PXDN: variants seen among roughly 807,000 people sequenced by gnomAD.
The protein encoded by PXDN is peroxidasin homolog.
Under a neutral mutation model 140.3 loss-of-function variants are expected in PXDN, and 77 were observed. That is an observed-to-expected ratio of 0.55 (90% CI 0.46 to 0.66). PXDN has a LOEUF of 0.66. PXDN is among the 30% of genes least tolerant of loss of function. PXDN has a pLI of 0.00. For synonymous variants in PXDN, 911 were observed against 857.4 expected, an observed-to-expected ratio of 1.06 and a Z score of -1.09; for missense variants, 1,838 against 2,039.5, an observed-to-expected ratio of 0.90 and a Z score of 1.90.
intron 1 of PXDN, among the ~76,000 whole-genome samples, chr2:1,739,388 G>A (rs532205187): frequency 2.6e-5 from 4 of 152,192 alleles, no homozygotes; most frequent in South Asian, 4.2e-4. Flanking sequence ...ATCAAGCCAC[G>A]CTTGAACCTG....
chr2:1,653,465 T>C (rs1203785461), intron 16 of PXDN, 163 bp downstream of exon 16: 52 of 1,086,764 alleles, frequency 4.8e-5, no homozygotes, highest in Non-Finnish European at 2.1e-5. Flanking sequence ...GACAGGGCTG[T>C]AGGGCTCAAG....
intron 14 of PXDN, among the ~76,000 whole-genome samples, chr2:1,658,249 A>G (rs868505243): frequency 6.6e-6 from 1 of 151,744 alleles, no homozygotes; most frequent in Non-Finnish European, 1.5e-5. Flanking sequence ...TTGTCTTCAA[A>G]TTTACACCAT....
chr2:1,711,583 ACTCCACCAGCACCCACT>A (rs149332837), intron 1 of PXDN, among the ~76,000 whole-genome samples: 31,267 of 65,958 alleles, frequency 0.47, 5,492 homozygotes, highest in African/African-American at 0.53. Context: ...ACCAGCACCC[ACTCCACCAGCACCCACT>A]CTCCACCAGC....
chr2:1,683,543 C>CTTGTCTGAGCCACATGTTTTT, intron 6 of PXDN, 113 bp downstream of exon 6: 1 of 930,040 alleles, frequency 1.1e-6, no homozygotes, highest in Non-Finnish European at 1.6e-6. Context: ...CTCATTCTTT[C>CTTGTCTGAGCCACATGTTTTT]AGAATCAGAT....
chr2:1,693,518 A>G (rs1221138188), intron 1 of PXDN, among the ~76,000 whole-genome samples: 1 of 152,244 alleles, frequency 6.6e-6, no homozygotes, highest in East Asian at 1.9e-4. Context: ...TAAACACCTT[A>G]GAGTTTACTC....
At chr2:1,690,648 C>CAAAAAAAAA (rs35970382) in intron 3 of PXDN, among the ~76,000 whole-genome samples, 13 of 68,590 alleles carry the variant, frequency 1.9e-4, no homozygotes, top group African/African-American at 2.3e-4. Flanking sequence ...TTCAAAATAC[C>CAAAAAAAAA]AAAAAAAAAA....
intron 8 of PXDN, 95 bp from the exon 9 acceptor site, chr2:1,673,907 C>G: frequency 1.4e-6 from 2 of 1,387,922 alleles, no homozygotes; most frequent in Non-Finnish European, 2.0e-6. Context: ...CTGCAGCAGG[C>G]ACAACTTGTG....
Position 1,664,045 on chromosome 2 carries a change from G to C in PXDN, c.1409-282C>G, listed in dbSNP as rs1235681464. 8 of 388,658 alleles carry C rather than the reference G, an allele frequency of 2.1e-5. No individual in the cohort carries two copies. In the East Asian group the frequency reaches 3.6e-4, roughly 18 times the overall value. 24.1% of individuals were successfully genotyped at this position (388,658 alleles called of 1,614,324 possible). ...GAGGACATGGGGACTCGGGGAGTCA[G>C]AGCGGGGTGGATGGCCAGCTGGGAG... On this transcript the variant is annotated intron_variant, in intron 11 of 22. Coordinates refer to ENST00000252804, the MANE Select transcript of PXDN (RefSeq NM_012293.3).
At position 1,660,780 on chromosome 2, in the gene PXDN, A is replaced by G; in HGVS notation, c.1837+101T>C. 7.0e-7 allele frequency: 1 copy of G among 1,430,298 alleles called. No individual in the cohort carries two copies. The highest frequency in any genetic ancestry group is 9.4e-7 in the Non-Finnish European group (1 of 1,067,388). 88.6% of individuals were successfully genotyped at this position (1,430,298 alleles called of 1,614,324 possible). A position where few individuals can be genotyped will look rare whatever the true frequency, so the allele number is the denominator to read the frequency against. On this transcript the variant is annotated intron_variant, in intron 14 of 22. Coordinates refer to ENST00000252804, the MANE Select transcript of PXDN (RefSeq NM_012293.3). This position sits in a 1 kb window ranked among gnomAD's most constrained non-coding sequence, Gnocchi z 4.6. ...TCAAGGGTGCTTTGTCTTCTGAATA[A>G]TTCTGAACAGCCTAAGTCAACTGGC...
Position 1,662,066 on chromosome 2 carries a change from G to T in PXDN, c.1680+6C>A. 6.3e-7 allele frequency: 1 copy of T among 1,580,064 alleles called. No homozygotes were observed. The highest frequency in any genetic ancestry group is 1.3e-5 in the African/African-American group (1 of 74,398). On this transcript the variant is annotated splice_donor_region_variant and intron_variant, in intron 13 of 22. Transcript: ENST00000252804. ...TGGTGGCTGGCTCGGGCACCAGACC[G>T]CCTACCTTGTTCCAGGTGATGGCTG...
chr2:1,670,174 G>C (rs1388301107), intron 9 of PXDN, among the ~76,000 whole-genome samples: 1 of 152,092 alleles, frequency 6.6e-6, no homozygotes, highest in Non-Finnish European at 1.5e-5. Flanking sequence ...TGGCCCAAAG[G>C]CTTTTGAATA....
In PXDN at chr2:1,649,815, G is replaced by T; in HGVS notation, c.2105-140C>A. On this transcript the variant is annotated intron_variant, in intron 16 of 22. Transcript: ENST00000252804. The surrounding 1 kb of genome is among the most constrained non-coding windows in gnomAD (Gnocchi z 7.1). ...ACCTGTTGTGCGCCATGCAACAAGC[G>T]CTTCCTGCTGGAAACCTGCTCACCT... 1 of 980,522 alleles carries T rather than the reference G, an allele frequency of 1.0e-6. No individual in the cohort carries two copies. Among genetic ancestry groups the T allele is most frequent in the Non-Finnish European group, 1.5e-6 (1 of 648,196 alleles). The allele number at this position is 980,522 out of a possible 1,614,324, so 60.7% of individuals were successfully genotyped here. A position where few individuals can be genotyped will look rare whatever the true frequency, so the allele number is the denominator to read the frequency against.
chr2:1,709,395 T>C (rs1684699808), intron 1 of PXDN, among the ~76,000 whole-genome samples: 1 of 152,076 alleles, frequency 6.6e-6, no homozygotes, highest in Non-Finnish European at 1.5e-5. Context: ...GAATGGACAC[T>C]GTGCACGGCC....
chr2:1,690,608 C>A (rs1347766793), intron 3 of PXDN, among the ~76,000 whole-genome samples: 2 of 91,808 alleles, frequency 2.2e-5, no homozygotes, highest in Admixed American at 1.6e-4. Context: ...TTCCAGGAAA[C>A]AAAAGCCCTC....
At chr2:1,673,214 T>C (rs1157584381) in intron 9 of PXDN, among the ~76,000 whole-genome samples, 2 of 152,184 alleles carry the variant, frequency 1.3e-5, no homozygotes, top group African/African-American at 4.8e-5. Flanking sequence ...AAATATTGGA[T>C]AAAAATCTAG....
chr2:1,716,457 A>C (rs1313528700), intron 1 of PXDN, among the ~76,000 whole-genome samples: 3 of 143,152 alleles, frequency 2.1e-5, no homozygotes, highest in Non-Finnish European at 3.0e-5. Context: ...AAAAAAAAAA[A>C]AAAAAAAAAA....
intron 1 of PXDN, among the ~76,000 whole-genome samples, chr2:1,711,178 A>C (rs1572182945): frequency 2.9e-5 from 2 of 68,858 alleles, no homozygotes; most frequent in Non-Finnish European, 5.5e-5. Context: ...CCCACTCTCC[A>C]CCAGCACCCG....
At position 1,734,049 on chromosome 2, in the gene PXDN, T is replaced by G. The variant is rs564408348; in HGVS notation, c.200+10207A>C. Reference sequence around the variant, plus strand: ...GACAGCTTAAATGAAATAACAGAAGTACAGTGTGGAGTTTATAACATATGT... The same window carrying G: ...GACAGCTTAAATGAAATAACAGAAGGACAGTGTGGAGTTTATAACATATGT... On this transcript the variant is annotated intron_variant, in intron 1 of 22. Coordinates refer to ENST00000252804, the MANE Select transcript of PXDN (RefSeq NM_012293.3). Among the ~76,000 whole-genome samples the G allele has an allele frequency of 1.0e-3, 155 of 152,246 alleles. No homozygotes were observed. In the Middle Eastern group the frequency reaches 0.01, roughly 10 times the overall value.
intron 17 of PXDN, among the ~76,000 whole-genome samples, chr2:1,647,566 A>G (rs1487712389): frequency 6.6e-6 from 1 of 152,218 alleles, no homozygotes; most frequent in African/African-American, 2.4e-5. Flanking sequence ...CAGAACAAGG[A>G]GAACCGCACC....
Sources: allele counts gnomAD v4.1 joint callset (sites outside exome capture counted in the v4.1 genomes callset), GRCh38; gene constraint gnomAD v4.1.1; non-coding constraint Gnocchi (gnomAD v3.1); transcripts MANE v1.5; gene names NCBI Gene and HGNC (gene_info 2026-07-23, HGNC 2026-07-21).